Variants in CSNK1G2 observed in about 807,000 individuals in gnomAD.
CSNK1G2 encodes casein kinase I isoform gamma-2.
CSNK1G2 carries 11 observed loss-of-function variants against 48.0 expected under a neutral mutation model. The ratio of observed to expected loss-of-function variants is 0.23; its 90% CI spans 0.14 to 0.38. CSNK1G2 has a LOEUF of 0.38. Among genes scored for constraint, CSNK1G2 ranks in the 10% least tolerant of loss-of-function variants. The pLI, the probability that CSNK1G2 is intolerant of heterozygous loss-of-function variation, is 1.00. For missense variants in CSNK1G2, 446 were observed against 595.5 expected (o/e 0.75, Z 2.61); for synonymous variants, 337 against 254.1 (o/e 1.33, Z -3.10).
chr19:1,947,697 C>T (rs1026711725), intron 1 of CSNK1G2, among the ~76,000 whole-genome samples: 7 of 152,194 alleles, frequency 4.6e-5, no homozygotes, highest in Non-Finnish European at 1.0e-4. Flanking sequence ...GCCCTGGAGC[C>T]TGCAGGTGGG....
intron 1 of CSNK1G2, among the ~76,000 whole-genome samples, chr19:1,958,732 A>G (rs895566481): frequency 4.6e-3 from 25 of 5,448 alleles, no homozygotes; most frequent in South Asian, 0.01. Context: ...TCGTCCCCCC[A>G]TCCAGGGCCG....
intron 1 of CSNK1G2, among the ~76,000 whole-genome samples, chr19:1,965,353 A>T (rs1185879524): frequency 6.8e-6 from 1 of 147,090 alleles, no homozygotes; most frequent in East Asian, 2.2e-4. Context: ...ACTGCACTCC[A>T]GCCTGGGCGA....
chr19:1,943,658 C>A (rs961888416), intron 1 of CSNK1G2, among the ~76,000 whole-genome samples: 2 of 152,074 alleles, frequency 1.3e-5, no homozygotes, highest in Non-Finnish European at 2.9e-5. Flanking sequence ...TGGGGGTTAC[C>A]GCGCGCCCGA....
chr19:1,958,769 TCCCCCGTC>T (rs1360424271), intron 1 of CSNK1G2, among the ~76,000 whole-genome samples: 3 of 40,600 alleles, frequency 7.4e-5, no homozygotes, highest in Non-Finnish European at 1.3e-4. Context: ...CCAGGCACTG[TCCCCCGTC>T]CCCCTGTCCC....
chr19:1,959,671 G>A (rs185974742), intron 1 of CSNK1G2, among the ~76,000 whole-genome samples: 5 of 122,230 alleles, frequency 4.1e-5, no homozygotes, highest in Middle Eastern at 3.9e-3. Context: ...CCCACCTTTA[G>A]TGCCACCGTG....
rs1337374952 is a variant in CSNK1G2, at chr19:1,977,707, C to T, written c.188-598C>T. Among the ~76,000 whole-genome samples the T allele has an allele frequency of 1.3e-4, 20 of 149,260 alleles. No individual in the cohort carries two copies. The Admixed American group carries it at 1.3e-3, about 10-fold the overall frequency. Reference sequence around the variant, plus strand: ...GACAAAGGCTGCAGTGAACTGCGATCTCGCCACTACACTCCAGACTGGGCA... The same window carrying T: ...GACAAAGGCTGCAGTGAACTGCGATTTCGCCACTACACTCCAGACTGGGCA... On this transcript the variant is annotated intron_variant, in intron 2 of 11. Transcript: ENST00000255641.
At chr19:1,975,380 G>A (rs924212762) in intron 2 of CSNK1G2, 50 of 985,374 alleles carry the variant, frequency 5.1e-5, no homozygotes, top group East Asian at 1.1e-4. Context: ...ACACTTTGCC[G>A]GAGAAGGGGA....
Position 1,978,203 on chromosome 19 carries a change from C to A in CSNK1G2, c.188-102C>A. Reference sequence around the variant, plus strand: ...GCAGTGGTGTCATTTGGAGGGTGGTCCTTCAGGGACCCCCTCCTGCCTCCT... The same window carrying A: ...GCAGTGGTGTCATTTGGAGGGTGGTACTTCAGGGACCCCCTCCTGCCTCCT... On this transcript the variant is annotated intron_variant, in intron 2 of 11. Transcript: ENST00000255641. This position sits in a 1 kb window ranked among gnomAD's most constrained non-coding sequence, Gnocchi z 7.3. The A allele has an allele frequency of 8.3e-7, 1 of 1,207,838 alleles. No individual in the cohort carries two copies. Among genetic ancestry groups the A allele is most frequent in the Non-Finnish European group, 1.2e-6 (1 of 818,906 alleles). 74.8% of individuals were successfully genotyped at this position (1,207,838 alleles called of 1,614,324 possible).
intron 1 of CSNK1G2, among the ~76,000 whole-genome samples, chr19:1,965,496 G>A (rs1568194701): frequency 6.6e-6 from 1 of 151,884 alleles, no homozygotes; most frequent in Non-Finnish European, 1.5e-5. Flanking sequence ...TCCTTGACAT[G>A]TCATTCATTC....
chr19:1,979,226 G>C lies in CSNK1G2; in HGVS notation c.746G>C (p.Ser249Thr), dbSNP rs774985143. Residue 249 changes from serine to threonine, a missense_variant, in exon 7 of 12, where the codon AGC becomes ACC. Ser to Thr is a moderately conservative substitution (Grantham distance 58). Coordinates refer to ENST00000255641, the MANE Select transcript of CSNK1G2 (RefSeq NM_001319.7). Reference sequence around the variant, plus strand: ...ATGTTCATGTACTTCCTGCGCGGCAGCCTCCCCTGGCAGGGGCTCAAGGTG... The same window carrying C: ...ATGTTCATGTACTTCCTGCGCGGCACCCTCCCCTGGCAGGGGCTCAAGGTG... ...GHMFMYFLRG[S>T]LPWQGLKADT... is the part of the protein sequence containing the mutation. 2 of 1,552,712 alleles carry C rather than the reference G, an allele frequency of 1.3e-6. No homozygotes were observed. The highest frequency in any genetic ancestry group is 3.9e-5 in the Admixed American group (2 of 50,972).
intron 1 of CSNK1G2, chr19:1,953,334 G>T: frequency 1.9e-6 from 1 of 529,186 alleles, no homozygotes; most frequent in Non-Finnish European, 3.9e-6. Flanking sequence ...GGTGGCGCAG[G>T]GTTGCTGTGG....
Position 1,960,975 on chromosome 19 carries a change from C to T in CSNK1G2, c.-265-8533C>T, listed in dbSNP as rs534589370. Among the ~76,000 whole-genome samples the T allele has an allele frequency of 1.4e-3, 214 of 152,350 alleles. 6 individuals carry two copies. In the South Asian group the frequency reaches 0.041, roughly 29 times the overall value. On this transcript the variant is annotated intron_variant, in intron 1 of 11. Coordinates refer to ENST00000255641, the MANE Select transcript of CSNK1G2 (RefSeq NM_001319.7). The stretch of plus-strand genomic sequence containing the variant: ...GTTTCCAGAAGAAGGAGAATGTCCC[C>T]GTGCTGGTGGCTCATCCAGGTGTGG...
In CSNK1G2 at chr19:1,957,528, T is replaced by C. The variant is rs2015040051; in HGVS notation, c.-265-11980T>C. Reference sequence around the variant, plus strand: ...GACAGTGAGCGCAGGCACCTCTCTCTCCACTTCATGTTTGTCCTCACTGAG... The same window carrying C: ...GACAGTGAGCGCAGGCACCTCTCTCCCCACTTCATGTTTGTCCTCACTGAG... On this transcript the variant is annotated intron_variant, in intron 1 of 11. Transcript: ENST00000255641. This position sits in a 1 kb window ranked among gnomAD's most constrained non-coding sequence, Gnocchi z 5.4. Among the ~76,000 whole-genome samples, 1 of 152,188 alleles carries C rather than the reference T, an allele frequency of 6.6e-6. No homozygotes were observed. Among genetic ancestry groups the C allele is most frequent in the Non-Finnish European group, 1.5e-5 (1 of 68,018 alleles).
Position 1,941,378 on chromosome 19 carries a change from G to A in CSNK1G2, c.-306G>A, listed in dbSNP as rs1402518003. 1 of 147,952 alleles carries A rather than the reference G, an allele frequency of 6.8e-6. No individual in the cohort carries two copies. Among genetic ancestry groups the A allele is most frequent in the African/African-American group, 2.5e-5 (1 of 40,808 alleles). 9.2% of individuals were successfully genotyped at this position (147,952 alleles called of 1,614,324 possible). A position where few individuals can be genotyped will look rare whatever the true frequency, so the allele number is the denominator to read the frequency against. ...CTGCGCTGCTGAGGCCGGGCCGGCC[G>A]CCCAGACGCTGCCCGCGGGCCCGGC... On this transcript the variant is annotated 5_prime_UTR_variant, in exon 1 of 12. Coordinates refer to ENST00000255641, the MANE Select transcript of CSNK1G2 (RefSeq NM_001319.7).
chr19:1,960,854 ACT>A (rs2015174584), intron 1 of CSNK1G2, among the ~76,000 whole-genome samples: 1 of 151,924 alleles, frequency 6.6e-6, no homozygotes, highest in South Asian at 2.1e-4. Flanking sequence ...GCACCACTAC[ACT>A]CCAGCCTGGG....
chr19:1,981,146 G>T lies in CSNK1G2; in HGVS notation c.*943G>T, dbSNP rs2015978598. On this transcript the variant is annotated 3_prime_UTR_variant, in exon 12 of 12. Transcript: ENST00000255641. ...GGGGGCGGCCCTGGACTGGCGGGCG[G>T]TTCCCCAGTGGGGTGCCCTGGAGGC... 1 of 152,278 alleles carries T rather than the reference G, an allele frequency of 6.6e-6. No homozygotes were observed. The highest frequency in any genetic ancestry group is 1.5e-5 in the Non-Finnish European group (1 of 68,080). 9.4% of individuals were successfully genotyped at this position (152,278 alleles called of 1,614,324 possible).
intron 1 of CSNK1G2, among the ~76,000 whole-genome samples, chr19:1,947,788 G>A (rs1009845407): frequency 2.6e-5 from 4 of 152,196 alleles, no homozygotes; most frequent in Non-Finnish European, 4.4e-5. Context: ...GTGCCATCAC[G>A]CTGGTCAGGC....
chr19:1,955,298 C>CCTCCTG (rs570264769), intron 1 of CSNK1G2, among the ~76,000 whole-genome samples: 2 of 151,682 alleles, frequency 1.3e-5, no homozygotes, highest in African/African-American at 2.4e-5. Flanking sequence ...TGACTGCCCT[C>CCTCCTG]CTGCTGCTGC....
intron 1 of CSNK1G2, among the ~76,000 whole-genome samples, chr19:1,956,901 A>T (rs567401906): frequency 6.6e-6 from 1 of 152,290 alleles, no homozygotes; most frequent in East Asian, 1.9e-4. Context: ...GCGGCGGTTG[A>T]TGGGTTAATT....
Sources: gnomAD v4.1 joint callset for allele counts (sites outside exome capture counted in the v4.1 genomes callset) on GRCh38, gnomAD v4.1.1 for gene constraint, Gnocchi (gnomAD v3.1) non-coding constraint, MANE v1.5 for transcripts, NCBI Gene and HGNC (gene_info 2026-07-23, HGNC 2026-07-21) for gene names.